The following NPAS3 variants were observed in gnomAD, a reference collection of about 807,000 sequenced individuals.
NPAS3 encodes the protein neuronal PAS domain-containing protein 3.
Under a neutral mutation model 73.1 loss-of-function variants are expected in NPAS3, and 14 were observed. The ratio of observed to expected loss-of-function variants is 0.19; its 90% CI spans 0.13 to 0.30. The LOEUF (loss-of-function observed/expected upper bound fraction) is 0.30. Among genes scored for constraint, NPAS3 ranks in the 10% least tolerant of loss-of-function variants. NPAS3 has a pLI of 1.00. For synonymous variants in NPAS3, 620 were observed against 541.5 expected (o/e 1.14, Z -2.01); for missense variants, 1,096 against 1,250.0 (o/e 0.88, Z 1.86).
chr14:33,800,658 T>A lies in NPAS3; in HGVS notation c.2351T>A (p.Leu784Ter), dbSNP rs2063682082. 6.5e-7 allele frequency: 1 copy of A among 1,537,722 alleles called. No homozygotes were observed. Among genetic ancestry groups the A allele is most frequent in the Non-Finnish European group, 8.7e-7 (1 of 1,145,036 alleles). Residue 784 changes from leucine (L) to a stop codon, truncating the protein, a stop_gained, in exon 12 of 12, where the codon TTG becomes TAG. Transcript: ENST00000356141. LOFTEE classifies it high-confidence loss of function. The surrounding 1 kb of genome is among the most constrained non-coding windows in gnomAD (Gnocchi z 6.5). Reference sequence around the variant, plus strand: ...GGCGGCCCCAGCGCGTCCAACTCCTTGCTGTACACTGGGGACCTGGAGGCG... The same window carrying A: ...GGCGGCCCCAGCGCGTCCAACTCCTAGCTGTACACTGGGGACCTGGAGGCG...
At chr14:33,796,891 A>T (rs1190006851) in intron 10 of NPAS3, among the ~76,000 whole-genome samples, 3 of 152,184 alleles carry the variant, frequency 2.0e-5, no homozygotes, top group Non-Finnish European at 4.4e-5. Flanking sequence ...GCAGATGAAA[A>T]TGTGATTGTA....
chr14:33,776,076 TC>T (rs1467754043), intron 8 of NPAS3, among the ~76,000 whole-genome samples: 1 of 152,212 alleles, frequency 6.6e-6, no homozygotes, highest in Non-Finnish European at 1.5e-5. Context: ...CTCTTCTTTT[TC>T]TTCAGAAGTC....
chr14:33,778,463 T>C lies in NPAS3; in HGVS notation c.1047-3T>C, dbSNP rs1445519406. Reference sequence around the variant, plus strand: ...ATTCCAGCCTGTGTTCTTCTCTTTGTAGGATTAGTGATTATATGGATCTGA... The same window carrying C: ...ATTCCAGCCTGTGTTCTTCTCTTTGCAGGATTAGTGATTATATGGATCTGA... On this transcript the variant is annotated splice_region_variant and splice_polypyrimidine_tract_variant and intron_variant, in intron 8 of 11. Transcript: ENST00000356141. 1.9e-6 allele frequency: 3 copies of C among 1,587,248 alleles called. No homozygotes were observed. The highest frequency in any genetic ancestry group is 1.7e-5 in the Admixed American group (1 of 59,926).
At chr14:33,670,066 C>T (rs569827309) in intron 5 of NPAS3, among the ~76,000 whole-genome samples, 3 of 152,192 alleles carry the variant, frequency 2.0e-5, no homozygotes, top group East Asian at 1.9e-4. Context: ...TTGGGTGCTG[C>T]GGTTGCAATT....
At chr14:33,069,822 A>G (rs1432098385) in intron 2 of NPAS3, among the ~76,000 whole-genome samples, 1 of 152,206 alleles carries the variant, frequency 6.6e-6, no homozygotes, top group Non-Finnish European at 1.5e-5. Context: ...GTAACTACCC[A>G]TGTTCAAAAC....
At chr14:33,172,878 G>A (rs1012953211) in intron 2 of NPAS3, among the ~76,000 whole-genome samples, 6 of 152,116 alleles carry the variant, frequency 3.9e-5, no homozygotes, top group African/African-American at 1.4e-4. Flanking sequence ...CTTGGTAATA[G>A]TTTAGGTTAC....
chr14:33,711,769 A>T (rs2060824909), intron 6 of NPAS3, among the ~76,000 whole-genome samples: 1 of 152,140 alleles, frequency 6.6e-6, no homozygotes, highest in African/African-American at 2.4e-5. Context: ...CGATCATTAG[A>T]TTCCTACCAG....
intron 3 of NPAS3, among the ~76,000 whole-genome samples, chr14:33,320,279 G>A (rs1285398191): frequency 6.6e-6 from 1 of 152,086 alleles, no homozygotes; most frequent in Non-Finnish European, 1.5e-5. Flanking sequence ...ACAGCCTTGA[G>A]AGGATACATT....
chr14:33,219,919 G>A (rs1192409280), intron 3 of NPAS3, among the ~76,000 whole-genome samples: 1 of 152,130 alleles, frequency 6.6e-6, no homozygotes, highest in Non-Finnish European at 1.5e-5. Context: ...GGATTTTCCT[G>A]TTGCTGTTGT....
chr14:33,488,663 A>G (rs2051734558), intron 4 of NPAS3, among the ~76,000 whole-genome samples: 1 of 152,184 alleles, frequency 6.6e-6, no homozygotes, highest in African/African-American at 2.4e-5. Context: ...CTGTCCTATG[A>G]TGGGAATATT....
At chr14:33,154,546 G>C (rs17100263) in intron 2 of NPAS3, among the ~76,000 whole-genome samples, 27,818 of 152,136 alleles carry the variant, frequency 0.18, 2,665 homozygotes, top group East Asian at 0.23. Flanking sequence ...TATTTGTAAA[G>C]CCACTTTCAT....
At chr14:33,311,614 A>G (rs1387435094) in intron 3 of NPAS3, among the ~76,000 whole-genome samples, 2 of 152,154 alleles carry the variant, frequency 1.3e-5, no homozygotes, top group African/African-American at 4.8e-5. Context: ...ATTGCAATAC[A>G]AGGTAGCCTT....
intron 2 of NPAS3, among the ~76,000 whole-genome samples, chr14:33,057,225 T>C (rs2040921944): frequency 6.6e-6 from 1 of 152,248 alleles, no homozygotes; most frequent in South Asian, 2.1e-4. Context: ...TCTGGCTTTA[T>C]TTATTGATAT....
chr14:33,615,994 T>G (rs1186121439), intron 5 of NPAS3, among the ~76,000 whole-genome samples: 1 of 152,248 alleles, frequency 6.6e-6, no homozygotes, highest in Non-Finnish European at 1.5e-5. Context: ...AAAGTCCATT[T>G]GCCCTTTACA....
intron 9 of NPAS3, among the ~76,000 whole-genome samples, chr14:33,793,632 T>C (rs1174469971): frequency 6.6e-6 from 1 of 152,184 alleles, no homozygotes; most frequent in Non-Finnish European, 1.5e-5. Flanking sequence ...TTGTAGTCCT[T>C]TTATTCTTTT....
At chr14:33,350,906 C>T (rs1190256341) in intron 3 of NPAS3, among the ~76,000 whole-genome samples, 1 of 152,176 alleles carries the variant, frequency 6.6e-6, no homozygotes, top group African/African-American at 2.4e-5. Flanking sequence ...TGCACTGGCA[C>T]AAATCAGGTG....
At chr14:33,293,626 A>G (rs772157084) in intron 3 of NPAS3, among the ~76,000 whole-genome samples, 10 of 152,220 alleles carry the variant, frequency 6.6e-5, no homozygotes, top group Non-Finnish European at 1.2e-4. Flanking sequence ...TGTAAAGGGA[A>G]GACTTCTCAT....
In NPAS3 at chr14:33,769,756, C is replaced by CTTTTTTTTT. The variant is rs916953785; in HGVS notation, c.853-4563_853-4555dup. 1.1e-3 allele frequency among the ~76,000 whole-genome samples: 94 copies of CTTTTTTTTT among 81,874 alleles called. 11 individuals carry two copies. Among genetic ancestry groups the CTTTTTTTTT allele is most frequent in the East Asian group, 2.8e-3 (7 of 2,504 alleles). 53.7% of individuals were successfully genotyped at this position (81,874 alleles called of 152,430 possible). A position where few individuals can be genotyped will look rare whatever the true frequency, so the allele number is the denominator to read the frequency against. ...CCTGAAAGACTTGGATTTTTTTTTT[C>CTTTTTTTTT]TTTTTTTTTTTTTTTTTTTTTTTTT... On this transcript the variant is annotated intron_variant, in intron 7 of 11. Transcript: ENST00000356141.
intron 6 of NPAS3, among the ~76,000 whole-genome samples, chr14:33,711,300 G>A (rs4982105): frequency 0.35 from 52,768 of 151,652 alleles, 9,779 homozygotes; most frequent in Admixed American, 0.52. Flanking sequence ...CAGCACCTTC[G>A]TAACAATAAC....
Sources: gnomAD v4.1 joint callset for allele counts (sites outside exome capture counted in the v4.1 genomes callset) on GRCh38, gnomAD v4.1.1 for gene constraint, Gnocchi (gnomAD v3.1) non-coding constraint, MANE v1.5 for transcripts, NCBI Gene and HGNC (gene_info 2026-07-23, HGNC 2026-07-21) for gene names.